LRRC4C: variants seen among roughly 807,000 people sequenced by gnomAD.
LRRC4C encodes leucine-rich repeat-containing protein 4C.
LRRC4C carries 5 observed loss-of-function variants against 33.6 expected under a neutral mutation model. The observed-to-expected ratio is 0.15, with a 90% CI of 0.08 to 0.31. The LOEUF is 0.31. LRRC4C is among the 10% of genes least tolerant of loss of function. The probability of loss-of-function intolerance (pLI) is 1.00; values close to 1 mark genes in which losing one functional copy is unlikely to be tolerated. For synonymous variants in LRRC4C, 329 were observed against 302.0 expected (o/e 1.09, Z -0.93); for missense variants, 560 against 796.7 (o/e 0.70, Z 3.58).
At chr11:41,408,760 A>ACAAACAAACAAAC (rs1166747061) in intron 1 of LRRC4C, among the ~76,000 whole-genome samples, 1 of 151,256 alleles carries the variant, frequency 6.6e-6, no homozygotes, top group African/African-American at 2.5e-5. Context: ...AAAAAAAAAA[A>ACAAACAAACAAAC]AAAAAAACTG....
chr11:40,570,773 C>T (rs867809733), intron 3 of LRRC4C, among the ~76,000 whole-genome samples: 5 of 151,902 alleles, frequency 3.3e-5, no homozygotes, highest in East Asian at 1.9e-4. Context: ...TCATCCAAGA[C>T]GCTGAAGATT....
chr11:40,485,856 T>C (rs985214710), intron 3 of LRRC4C, among the ~76,000 whole-genome samples: 3 of 151,960 alleles, frequency 2.0e-5, no homozygotes, highest in Non-Finnish European at 4.4e-5. Context: ...TGCAGTGATA[T>C]GGATAGAGCC....
At chr11:41,073,896 C>A (rs913791922) in intron 1 of LRRC4C, among the ~76,000 whole-genome samples, 3 of 152,090 alleles carry the variant, frequency 2.0e-5, no homozygotes, top group African/African-American at 7.2e-5. Flanking sequence ...TAGAAATAAG[C>A]AGTCCTTTTT....
intron 2 of LRRC4C, among the ~76,000 whole-genome samples, chr11:40,849,092 C>A (rs1005782919): frequency 7.9e-5 from 12 of 151,962 alleles, no homozygotes; most frequent in African/African-American, 2.7e-4. Flanking sequence ...TCTTGACTAT[C>A]CAATTTGCCA....
intron 1 of LRRC4C, among the ~76,000 whole-genome samples, chr11:41,057,420 T>C (rs1858708449): frequency 1.3e-5 from 2 of 152,128 alleles, no homozygotes; most frequent in Admixed American, 1.3e-4. Flanking sequence ...CTGGGCACCA[T>C]GAACAGCAGC....
chr11:40,432,494 T>C (rs1950974286), intron 3 of LRRC4C, among the ~76,000 whole-genome samples: 1 of 152,206 alleles, frequency 6.6e-6, no homozygotes, highest in African/African-American at 2.4e-5. Flanking sequence ...AAACTACACA[T>C]TGACAAGACT....
chr11:40,394,097 A>C (rs575602596), intron 3 of LRRC4C, among the ~76,000 whole-genome samples: 1 of 152,132 alleles, frequency 6.6e-6, no homozygotes, highest in South Asian at 2.1e-4. Context: ...ATGGGTACAT[A>C]GTCTTGTTTA....
chr11:40,336,768 A>T (rs556781309), intron 3 of LRRC4C, among the ~76,000 whole-genome samples: 1 of 152,176 alleles, frequency 6.6e-6, no homozygotes, highest in African/African-American at 2.4e-5. Context: ...CGAGGTCAGG[A>T]GATCGAGACC....
At chr11:40,840,190 C>T (rs1167592019) in intron 2 of LRRC4C, among the ~76,000 whole-genome samples, 2 of 152,072 alleles carry the variant, frequency 1.3e-5, no homozygotes, top group East Asian at 1.9e-4. Context: ...CAATAATCAA[C>T]ACAGTAGTAT....
rs149937270 is a variant in LRRC4C, at chr11:40,689,815, A to G, written c.-406-41537T>C. Among the ~76,000 whole-genome samples, 227 of 152,182 alleles carry G rather than the reference A, an allele frequency of 1.5e-3. 1 individual carries two copies. Among genetic ancestry groups the G allele is most frequent in the African/African-American group, 5.3e-3 (219 of 41,544 alleles). ...CTAAATGATTACTAATATACATTCT[A>G]TCTCTGAAATTATGTTTTCTCCTTA... On this transcript the variant is annotated intron_variant, in intron 2 of 6. Coordinates refer to ENST00000528697, the MANE Select transcript of LRRC4C (RefSeq NM_001258419.2).
chr11:40,206,136 T>A (rs909090794), intron 5 of LRRC4C, among the ~76,000 whole-genome samples: 1 of 152,128 alleles, frequency 6.6e-6, no homozygotes, highest in African/African-American at 2.4e-5. Flanking sequence ...ACATCATATA[T>A]CTCAATAAAT....
chr11:41,301,123 C>T (rs1950275345), intron 1 of LRRC4C, among the ~76,000 whole-genome samples: 1 of 152,158 alleles, frequency 6.6e-6, no homozygotes, highest in South Asian at 2.1e-4. Flanking sequence ...ATGTGCTATG[C>T]TTATTCACAG....
chr11:40,848,208 C>T (rs576172811), intron 2 of LRRC4C, among the ~76,000 whole-genome samples: 1 of 151,954 alleles, frequency 6.6e-6, no homozygotes, highest in African/African-American at 2.4e-5. Context: ...TTTGTTTGCT[C>T]TTGCTTCTCT....
At chr11:40,886,271 G>T (rs1283537060) in intron 2 of LRRC4C, among the ~76,000 whole-genome samples, 2 of 151,830 alleles carry the variant, frequency 1.3e-5, no homozygotes, top group African/African-American at 2.4e-5. Context: ...CTTAGCCCTA[G>T]AAAAACCCAG....
intron 3 of LRRC4C, among the ~76,000 whole-genome samples, chr11:40,549,397 G>T (rs1957050335): frequency 6.6e-6 from 1 of 152,114 alleles, no homozygotes; most frequent in South Asian, 2.1e-4. Context: ...CACAGATACA[G>T]AGAATAGGTC....
rs555210652 is a variant in LRRC4C, at chr11:40,157,932, G to T, written c.-95-17079C>A. On this transcript the variant is annotated intron_variant, in intron 5 of 6. Transcript: ENST00000528697. The stretch of plus-strand genomic sequence containing the variant: ...CTGGGTAGGATTACCCAGAGGAAAA[G>T]AAGTCATTATTTGAAAAAGATACTT... 4.6e-5 allele frequency among the ~76,000 whole-genome samples: 7 copies of T among 152,210 alleles called. No homozygotes were observed. In the East Asian group the frequency reaches 7.7e-4, roughly 17 times the overall value.
At chr11:40,148,581 G>A (rs1025418752) in intron 5 of LRRC4C, among the ~76,000 whole-genome samples, 11 of 152,114 alleles carry the variant, frequency 7.2e-5, no homozygotes, top group African/African-American at 2.7e-4. Flanking sequence ...CTGGATATTA[G>A]ACCTTTGTCA....
At chr11:40,740,907 C>A (rs1052533312) in intron 2 of LRRC4C, among the ~76,000 whole-genome samples, 1 of 151,928 alleles carries the variant, frequency 6.6e-6, no homozygotes, top group East Asian at 1.9e-4. Context: ...CCCATTGGTA[C>A]CTTTGTCAAA....
intron 1 of LRRC4C, among the ~76,000 whole-genome samples, chr11:41,440,791 C>G (rs943279234): frequency 2.0e-5 from 3 of 152,182 alleles, no homozygotes; most frequent in Non-Finnish European, 4.4e-5. Context: ...AGAGCTCCCT[C>G]CTTCTTGCTC....
Sources: gnomAD v4.1 joint callset for allele counts (sites outside exome capture counted in the v4.1 genomes callset) on GRCh38, gnomAD v4.1.1 for gene constraint, MANE v1.5 for transcripts, NCBI Gene and HGNC (gene_info 2026-07-23, HGNC 2026-07-21) for gene names.